Variants in ENTREP2 observed in about 807,000 individuals in gnomAD.
ENTREP2 encodes the protein endosomal transmembrane epsin interactor 2.
chr15:29,645,202 C>A, the ENTREP2 span, among the ~76,000 whole-genome samples: 1 of 152,186 alleles, frequency 6.6e-6, no homozygotes. Context: ...CTGCAGAGCT[C>A]ACTCCAAACC....
At chr15:29,364,078 G>GA in the ENTREP2 span, among the ~76,000 whole-genome samples, 9 of 151,796 alleles carry the variant, frequency 5.9e-5, no homozygotes, top group East Asian at 5.8e-4. Flanking sequence ...AATATGGAAG[G>GA]AAAAAAACTT....
chr15:29,376,407 G>C, the ENTREP2 span: 8,650 of 152,058 alleles, frequency 0.057, 334 homozygotes, highest in African/African-American at 0.074. Flanking sequence ...ATAGTTTAAT[G>C]TAAGGAAGAC....
At chr15:29,511,854 T>C in the ENTREP2 span, among the ~76,000 whole-genome samples, 2 of 148,186 alleles carry the variant, frequency 1.3e-5, no homozygotes, top group Non-Finnish European at 3.0e-5. Context: ...CAAGAGAAAA[T>C]GTATGCTGCC....
chr15:29,184,230 C>T, the ENTREP2 span, among the ~76,000 whole-genome samples: 3 of 152,188 alleles, frequency 2.0e-5, no homozygotes, highest in African/African-American at 4.8e-5. Context: ...AGCGATCCGC[C>T]GGCCTCGGCC....
At chr15:29,461,904 C>T in the ENTREP2 span, among the ~76,000 whole-genome samples, 3 of 152,106 alleles carry the variant, frequency 2.0e-5, no homozygotes, top group African/African-American at 7.2e-5. Context: ...AACAACTCCC[C>T]ATTCCTCCCT....
At chr15:29,323,600 C>G in the ENTREP2 span, among the ~76,000 whole-genome samples, 1 of 152,056 alleles carries the variant, frequency 6.6e-6, no homozygotes, top group Non-Finnish European at 1.5e-5. Context: ...CAAATGAAAG[C>G]TGATTGGTCA....
the ENTREP2 span, among the ~76,000 whole-genome samples, chr15:29,171,825 CTA>C: frequency 6.6e-6 from 1 of 152,156 alleles, no homozygotes; most frequent in Non-Finnish European, 1.5e-5. Flanking sequence ...GCTTTAGCCA[CTA>C]TGTGATGTGC....
chr15:29,410,274 G>T, the ENTREP2 span, among the ~76,000 whole-genome samples: 1 of 152,126 alleles, frequency 6.6e-6, no homozygotes. Context: ...TGTGTTTGGT[G>T]TTGCTTGTTT....
the ENTREP2 span, among the ~76,000 whole-genome samples, chr15:29,507,858 C>T: frequency 6.6e-6 from 1 of 151,966 alleles, no homozygotes; most frequent in African/African-American, 2.4e-5. Flanking sequence ...GAAGCAAGAG[C>T]AAATAAATTC....
the ENTREP2 span, among the ~76,000 whole-genome samples, chr15:29,351,642 ATTTAT>A: frequency 2.6e-5 from 4 of 152,156 alleles, no homozygotes; most frequent in East Asian, 1.9e-4. Context: ...TATGAAATTT[ATTTAT>A]TTTATTTTAT....
the ENTREP2 span, among the ~76,000 whole-genome samples, chr15:29,176,706 C>T: frequency 1.3e-5 from 2 of 152,240 alleles, no homozygotes; most frequent in Middle Eastern, 3.4e-3. Flanking sequence ...AGGCTGAGGC[C>T]GGGCCCCAGG....
At chr15:29,465,520 C>T in the ENTREP2 span, among the ~76,000 whole-genome samples, 2 of 152,138 alleles carry the variant, frequency 1.3e-5, no homozygotes, top group African/African-American at 2.4e-5. Context: ...CCATAAACAC[C>T]TTCTGATACC....
chr15:29,600,087 C>A, the ENTREP2 span, among the ~76,000 whole-genome samples: 1 of 152,340 alleles, frequency 6.6e-6, no homozygotes, highest in African/African-American at 2.4e-5. Context: ...AGCCTCTATA[C>A]GGCTGGTGAC....
chr15:29,507,576 A>G, the ENTREP2 span, among the ~76,000 whole-genome samples: 2 of 152,246 alleles, frequency 1.3e-5, no homozygotes, highest in African/African-American at 4.8e-5. Flanking sequence ...GTGCAATCCA[A>G]TTAGAACTTA....
At chr15:29,643,237 G>A in the ENTREP2 span, among the ~76,000 whole-genome samples, 1 of 152,138 alleles carries the variant, frequency 6.6e-6, no homozygotes, top group Non-Finnish European at 1.5e-5. Flanking sequence ...TACAAGCACA[G>A]AATGGGAGAA....
At chr15:29,154,243 T>C in the ENTREP2 span, among the ~76,000 whole-genome samples, 2 of 152,180 alleles carry the variant, frequency 1.3e-5, no homozygotes, top group Non-Finnish European at 2.9e-5. Context: ...TTCCTTCCAT[T>C]TTATTACCTT....
the ENTREP2 span, among the ~76,000 whole-genome samples, chr15:29,653,089 G>C: frequency 6.6e-6 from 1 of 152,146 alleles, no homozygotes; most frequent in Non-Finnish European, 1.5e-5. Flanking sequence ...AATTGATTTG[G>C]TTGCAAGGGC....
chr15:29,592,122 A>G, the ENTREP2 span, among the ~76,000 whole-genome samples: 2 of 152,156 alleles, frequency 1.3e-5, no homozygotes, highest in Admixed American at 1.3e-4. Context: ...GTACTTTGTT[A>G]CGGCTGCCTT....
the ENTREP2 span, among the ~76,000 whole-genome samples, chr15:29,239,961 G>A: frequency 4.6e-5 from 7 of 152,028 alleles, no homozygotes; most frequent in East Asian, 3.9e-4. Flanking sequence ...CCTTCCCTCC[G>A]CTGTCGGGTG....
Sources: allele counts gnomAD v4.1 joint callset (sites outside exome capture counted in the v4.1 genomes callset), GRCh38; gene constraint gnomAD v4.1.1; transcripts MANE v1.5; gene names NCBI Gene and HGNC (gene_info 2026-07-23, HGNC 2026-07-21).